Variants in TET1 observed in about 807,000 individuals in gnomAD.
TET1 encodes tet methylcytosine dioxygenase 1, also known as methylcytosine dioxygenase TET1.
In TET1, 13 loss-of-function variants were observed where a neutral mutation model predicts 148.7. The ratio of observed to expected loss-of-function variants is 0.09; its 90% CI spans 0.06 to 0.14. The LOEUF is 0.14. Ranked by LOEUF, TET1 falls within the 10% of genes least tolerant of loss-of-function variation. The pLI, the probability that TET1 is intolerant of heterozygous loss-of-function variation, is 1.00. For synonymous variants in TET1, 907 were observed against 937.2 expected, an observed-to-expected ratio of 0.97 and a Z score of 0.59; for missense variants, 2,182 against 2,553.8, an observed-to-expected ratio of 0.85 and a Z score of 3.14.
chr10:68,650,623 C>A (rs1009316815), intron 4 of TET1, among the ~76,000 whole-genome samples: 1 of 151,728 alleles, frequency 6.6e-6, no homozygotes, highest in East Asian at 1.9e-4. Context: ...AAGAGTGAAA[C>A]GCCATCTCAA....
intron 3 of TET1, among the ~76,000 whole-genome samples, chr10:68,614,977 G>C (rs1321599043): frequency 1.3e-5 from 2 of 149,032 alleles, no homozygotes; most frequent in Non-Finnish European, 3.0e-5. Context: ...TTTTGCCCAT[G>C]TTGGCACTCC....
chr10:68,566,858 CT>C (rs113654164), intron 1 of TET1, among the ~76,000 whole-genome samples: 1,643 of 140,408 alleles, frequency 0.012, 19 homozygotes, highest in African/African-American at 0.036. Flanking sequence ...TGCAAACAGG[CT>C]TTTTTTTTTT....
chr10:68,610,173 C>T (rs145145921), intron 3 of TET1, among the ~76,000 whole-genome samples: 6,741 of 151,984 alleles, frequency 0.044, 513 homozygotes, highest in African/African-American at 0.15. Context: ...GTCCCAGCTA[C>T]TTGGGAGGCT....
intron 3 of TET1, among the ~76,000 whole-genome samples, chr10:68,622,746 T>G (rs2132978518): frequency 6.6e-6 from 1 of 150,922 alleles, no homozygotes; most frequent in East Asian, 1.9e-4. Flanking sequence ...AAATTGGTTT[T>G]TAAGAAAATT....
At chr10:68,633,057 G>C (rs1010651725) in intron 3 of TET1, among the ~76,000 whole-genome samples, 2 of 151,984 alleles carry the variant, frequency 1.3e-5, no homozygotes, top group Non-Finnish European at 2.9e-5. Context: ...GGTGGTGGGC[G>C]CCTGTAATCC....
chr10:68,684,139 A>AC (rs2055477085), intron 10 of TET1, among the ~76,000 whole-genome samples: 1 of 152,106 alleles, frequency 6.6e-6, no homozygotes. Context: ...CTGTAATCCC[A>AC]CCTACTTCGG....
rs2053917210 is a variant in TET1, at chr10:68,591,381, C to CCT, written c.1915-9600_1915-9599insCT. On this transcript the variant is annotated intron_variant, in intron 2 of 11. Coordinates refer to ENST00000373644, the MANE Select transcript of TET1 (RefSeq NM_030625.3). ...ACAGCCATTAAGCAGTGTCCTCGAA[C>CCT]ATAGCTGTTGTTCTGTATTCTATTT... Among the ~76,000 whole-genome samples, 5 of 152,158 alleles carry CCT rather than the reference C, an allele frequency of 3.3e-5. No homozygotes were observed. In the South Asian group the frequency reaches 1.0e-3, roughly 32 times the overall value.
intron 11 of TET1, among the ~76,000 whole-genome samples, chr10:68,689,937 A>G (rs930257278): frequency 6.6e-6 from 1 of 151,958 alleles, no homozygotes; most frequent in Non-Finnish European, 1.5e-5. Context: ...AAGCTGAAAT[A>G]CTCTTGCTTT....
chr10:68,567,356 G>GA (rs147536799), intron 1 of TET1, among the ~76,000 whole-genome samples: 7,654 of 152,230 alleles, frequency 0.05, 225 homozygotes, highest in South Asian at 0.081. Flanking sequence ...ACCTAGGTCA[G>GA]TCAGTAATTT....
intron 8 of TET1, among the ~76,000 whole-genome samples, chr10:68,679,964 G>A (rs1396295290): frequency 6.6e-6 from 1 of 152,184 alleles, no homozygotes; most frequent in African/African-American, 2.4e-5. Flanking sequence ...ATGAGCCACT[G>A]TGCCCAGCTG....
At chr10:68,588,019 C>T (rs1289617887) in intron 2 of TET1, among the ~76,000 whole-genome samples, 3 of 152,052 alleles carry the variant, frequency 2.0e-5, no homozygotes, top group Non-Finnish European at 2.9e-5. Context: ...CGCACCATTA[C>T]GCCTGGCTAA....
chr10:68,691,053 C>G lies in TET1; in HGVS notation c.5650C>G (p.Pro1884Ala). 1 of 1,614,210 alleles carries G rather than the reference C, an allele frequency of 6.2e-7. No homozygotes were observed. The highest frequency in any genetic ancestry group is 8.5e-7 in the Non-Finnish European group (1 of 1,180,030). Residue 1884 changes from proline (P) to alanine (A), a missense_variant, in exon 12 of 12, where the codon CCT (proline) becomes GCT (alanine). Physicochemically the swap from Pro to Ala is conservative, Grantham distance 27. Transcript: ENST00000373644. The surrounding 1 kb of genome is among the most constrained non-coding windows in gnomAD (Gnocchi z 4.4). ...AAGCAGCACTCCCCACTGTACGATG[C>G]CTTCGGGAAGACTCAGTGGTGCCAA... is the stretch of plus-strand genomic sequence containing the variant. ...ERSSTPHCTM[P>A]SGRLSGANAA...
intron 7 of TET1, among the ~76,000 whole-genome samples, chr10:68,669,109 G>A (rs2055233328): frequency 6.6e-6 from 1 of 152,148 alleles, no homozygotes; most frequent in South Asian, 2.1e-4. Flanking sequence ...ACCAGGCATA[G>A]TGGTGTGTGC....
intron 5 of TET1, among the ~76,000 whole-genome samples, chr10:68,652,161 CTT>C (rs565906570): frequency 7.4e-4 from 112 of 152,218 alleles, no homozygotes; most frequent in African/African-American, 2.6e-3. Flanking sequence ...GACTAGTTGT[CTT>C]TGATAAACTC....
chr10:68,599,811 G>A (rs1415153100), intron 2 of TET1, among the ~76,000 whole-genome samples: 2 of 152,134 alleles, frequency 1.3e-5, no homozygotes. Context: ...CCTTCTCGTA[G>A]GGGAGAAATT....
chr10:68,644,492 C>A (rs1453215757), intron 3 of TET1, among the ~76,000 whole-genome samples: 2 of 152,170 alleles, frequency 1.3e-5, no homozygotes, highest in African/African-American at 4.8e-5. Context: ...AGGTGTGAGT[C>A]ACTATGCCTA....
Position 68,645,967 on chromosome 10 carries a change from C to G in TET1, c.3238C>G (p.Gln1080Glu), listed in dbSNP as rs1196317399. The G allele has an allele frequency of 1.2e-6, 2 of 1,613,946 alleles. No homozygotes were observed. Among genetic ancestry groups the G allele is most frequent in the Non-Finnish European group, 1.7e-6 (2 of 1,180,000 alleles). Residue 1080 changes from glutamine to glutamate, a missense_variant, in exon 4 of 12, where the codon CAG (glutamine) becomes GAG (glutamate). Coordinates refer to ENST00000373644, the MANE Select transcript of TET1 (RefSeq NM_030625.3). ...CCAAATTGAGGAAGATGTTGCAACA[C>G]AGTTGACACAACTTGCTTCGATAAT... ...HTQIEEDVAT[Q>E]LTQLASIIKI...
intron 2 of TET1, among the ~76,000 whole-genome samples, chr10:68,591,668 C>T (rs1473119910): frequency 6.6e-6 from 1 of 152,098 alleles, no homozygotes; most frequent in South Asian, 2.1e-4. Flanking sequence ...TTTGGATGAC[C>T]GAGGTGGGTG....
intron 10 of TET1, among the ~76,000 whole-genome samples, chr10:68,685,027 G>A (rs1378228585): frequency 6.6e-6 from 1 of 152,138 alleles, no homozygotes; most frequent in African/African-American, 2.4e-5. Context: ...TGCTGAGGTG[G>A]AAGGATTGCT....
Sources: gnomAD v4.1 joint callset for allele counts (sites outside exome capture counted in the v4.1 genomes callset) on GRCh38, gnomAD v4.1.1 for gene constraint, Gnocchi (gnomAD v3.1) non-coding constraint, MANE v1.5 for transcripts, NCBI Gene and HGNC (gene_info 2026-07-23, HGNC 2026-07-21) for gene names.